GPM6B: variants seen among roughly 807,000 people sequenced by gnomAD.
GPM6B encodes the protein glycoprotein M6B.
A neutral mutation model predicts 27.2 loss-of-function variants in GPM6B; 4 were observed. That is an observed-to-expected ratio of 0.15 (90% CI 0.07 to 0.34). The LOEUF (loss-of-function observed/expected upper bound fraction) is 0.34, where lower values mean the gene tolerates loss of function less well. GPM6B is among the 10% of genes least tolerant of loss of function. The pLI is 1.00. For synonymous variants in GPM6B, 124 were observed against 103.1 expected, an observed-to-expected ratio of 1.20 and a Z score of -1.23; for missense variants, 183 against 261.9, an observed-to-expected ratio of 0.70 and a Z score of 2.08.
chrX:13,850,150 G>C (rs750773583), intron 1 of GPM6B, among the ~76,000 whole-genome samples: 1 of 112,248 alleles, frequency 8.9e-6, no homozygotes, highest in East Asian at 2.8e-4. Context: ...ATTGGAGATG[G>C]GGCCCAATGA....
At chrX:13,845,685 G>T (rs190497745) in intron 1 of GPM6B, among the ~76,000 whole-genome samples, 3 of 111,736 alleles carry the variant, frequency 2.7e-5, no homozygotes, top group Non-Finnish European at 5.6e-5. Context: ...CTTACAACTA[G>T]TTATATATTT....
At chrX:13,921,818 C>G (rs1292501641) in intron 1 of GPM6B, among the ~76,000 whole-genome samples, 1 of 111,252 alleles carries the variant, frequency 9.0e-6, no homozygotes, top group African/African-American at 3.3e-5. Flanking sequence ...ACCTCGTGAT[C>G]CACCTGCCTC....
At chrX:13,852,790 T>TTTA (rs1457136227) in intron 1 of GPM6B, among the ~76,000 whole-genome samples, 16 of 106,246 alleles carry the variant, frequency 1.5e-4, no homozygotes, top group Admixed American at 1.1e-3. Flanking sequence ...TTTTTTTTTT[T>TTTA]AAAGACTGGG....
chrX:13,887,961 A>G (rs1460481568), intron 1 of GPM6B, among the ~76,000 whole-genome samples: 1 of 111,355 alleles, frequency 9.0e-6, no homozygotes, highest in Non-Finnish European at 1.9e-5. Context: ...TGATTCTGCT[A>G]TGACCCACCC....
intron 1 of GPM6B, among the ~76,000 whole-genome samples, chrX:13,866,687 G>C (rs2049923544): frequency 9.0e-6 from 1 of 110,923 alleles, no homozygotes; most frequent in African/African-American, 3.3e-5. Context: ...AAAACAATGA[G>C]CTTCAGCCAG....
At chrX:13,814,664 C>CA (rs2147194691) in intron 1 of GPM6B, among the ~76,000 whole-genome samples, 1 of 112,061 alleles carries the variant, frequency 8.9e-6, no homozygotes, top group East Asian at 2.8e-4. Flanking sequence ...GATGGGTGAG[C>CA]AAATTGGGAA....
intron 1 of GPM6B, among the ~76,000 whole-genome samples, chrX:13,886,307 T>C (rs2050134223): frequency 8.9e-6 from 1 of 111,955 alleles, no homozygotes; most frequent in African/African-American, 3.3e-5. Context: ...TTGCTATCTT[T>C]GTAGGCTACT....
intron 1 of GPM6B, among the ~76,000 whole-genome samples, chrX:13,927,111 C>G (rs1270126738): frequency 9.1e-6 from 1 of 109,747 alleles, no homozygotes; most frequent in Non-Finnish European, 1.9e-5. Flanking sequence ...AAGAGAAAAC[C>G]CAAATGACCA....
intron 1 of GPM6B, among the ~76,000 whole-genome samples, chrX:13,862,821 G>A (rs1378981505): frequency 9.1e-6 from 1 of 109,614 alleles, no homozygotes; most frequent in Middle Eastern, 4.2e-3. Flanking sequence ...CCAGTAGCTG[G>A]GACTACAGGT....
intron 1 of GPM6B, among the ~76,000 whole-genome samples, chrX:13,847,416 C>T (rs944272437): frequency 8.9e-6 from 1 of 112,022 alleles, no homozygotes; most frequent in South Asian, 3.7e-4. Flanking sequence ...GTATTAATAC[C>T]TCCATCTAAA....
intron 4 of GPM6B, chrX:13,780,820 A>G: frequency 5.2e-6 from 1 of 192,586 alleles, no homozygotes; most frequent in Non-Finnish European, 1.0e-5. Flanking sequence ...AGGCGCGCCC[A>G]CAGAGGGTGT....
At chrX:13,872,525 C>G (rs779489537) in intron 1 of GPM6B, among the ~76,000 whole-genome samples, 1 of 110,651 alleles carries the variant, frequency 9.0e-6, no homozygotes, top group Non-Finnish European at 1.9e-5. Context: ...TCCAAGACAA[C>G]AAGCATACAC....
At position 13,771,890 on chromosome X, in the gene GPM6B, T is replaced by G. The variant is rs569360011; in HGVS notation, c.*991A>C. The stretch of plus-strand genomic sequence containing the variant: ...ACTTAAGTATTCAAGTCTATAAAAG[T>G]AGGAGGTTAGAGGTCTGTGGTCAAT... On this transcript the variant is annotated 3_prime_UTR_variant, in exon 8 of 8. Coordinates refer to ENST00000316715, the MANE Select transcript of GPM6B (RefSeq NM_001001995.3). The G allele has an allele frequency of 2.7e-5, 3 of 112,201 alleles. No individual in the cohort carries two copies. The South Asian group carries it at 1.1e-3, about 41-fold the overall frequency. The allele number at this position is 112,201 out of a possible 1,213,427, so 9.2% of individuals were successfully genotyped here. A position where few individuals can be genotyped will look rare whatever the true frequency, so the allele number is the denominator to read the frequency against.
intron 1 of GPM6B, among the ~76,000 whole-genome samples, chrX:13,857,148 A>C (rs2049790911): frequency 9.0e-6 from 1 of 111,403 alleles, no homozygotes; most frequent in Non-Finnish European, 1.9e-5. Flanking sequence ...GCCCACTGAG[A>C]TAATCCAGAG....
chrX:13,896,857 C>T (rs1242058495), intron 1 of GPM6B, among the ~76,000 whole-genome samples: 1 of 111,972 alleles, frequency 8.9e-6, no homozygotes, highest in East Asian at 2.8e-4. Flanking sequence ...CATGAGCCAC[C>T]GCACTCTGCC....
At chrX:13,865,859 T>TA (rs201665607) in intron 1 of GPM6B, among the ~76,000 whole-genome samples, 1,386 of 110,086 alleles carry the variant, frequency 0.013, 20 homozygotes, top group African/African-American at 0.043. Flanking sequence ...TATTCAGCCA[T>TA]AAAAAAAACA....
intron 1 of GPM6B, among the ~76,000 whole-genome samples, chrX:13,890,502 T>C (rs948776567): frequency 9.0e-6 from 1 of 111,675 alleles, no homozygotes; most frequent in Admixed American, 9.5e-5. Flanking sequence ...TTGGGACCCC[T>C]TTGTTGTAAC....
At chrX:13,936,346 G>T (rs1891447766) in intron 1 of GPM6B, among the ~76,000 whole-genome samples, 2 of 112,007 alleles carry the variant, frequency 1.8e-5, no homozygotes, top group African/African-American at 6.5e-5. Context: ...ATTTGAGTCT[G>T]AAGGGACTTT....
chrX:13,829,067 A>G (rs1442483238), intron 1 of GPM6B, among the ~76,000 whole-genome samples: 1 of 111,484 alleles, frequency 9.0e-6, no homozygotes, highest in East Asian at 2.8e-4. Flanking sequence ...CAACTGTTGA[A>G]CTCAGAGATT....
Sources: allele counts gnomAD v4.1 joint callset (sites outside exome capture counted in the v4.1 genomes callset), GRCh38; gene constraint gnomAD v4.1.1; transcripts MANE v1.5; gene names NCBI Gene and HGNC (gene_info 2026-07-23, HGNC 2026-07-21).